PRKN: variants seen among roughly 807,000 people sequenced by gnomAD.
PRKN encodes parkin RBR E3 ubiquitin protein ligase.
In PRKN, 56 loss-of-function variants were observed where a neutral mutation model predicts 59.5. The ratio of observed to expected loss-of-function variants is 0.94; its 90% CI spans 0.76 to 1.18. The LOEUF is 1.18. Among genes scored for constraint, PRKN ranks in the 50% most tolerant of loss-of-function variants. The pLI, the probability that PRKN is intolerant of heterozygous loss-of-function variation, is 0.00. For synonymous variants in PRKN, 250 were observed against 222.1 expected (o/e 1.13, Z -1.12); for missense variants, 657 against 596.4 (o/e 1.10, Z -1.06).
intron 6 of PRKN, among the ~76,000 whole-genome samples, chr6:161,793,923 C>T (rs1790736508): frequency 6.6e-6 from 1 of 152,156 alleles, no homozygotes; most frequent in South Asian, 2.1e-4. Flanking sequence ...AAGTCAACAT[C>T]CCATCTGGGG....
At chr6:161,883,650 A>T (rs1037498923) in intron 6 of PRKN, among the ~76,000 whole-genome samples, 39 of 151,780 alleles carry the variant, frequency 2.6e-4, no homozygotes, top group African/African-American at 8.2e-4. Context: ...ATTTATTTTT[A>T]TTTTTATTTT....
At chr6:162,158,739 C>T (rs1164683048) in intron 4 of PRKN, among the ~76,000 whole-genome samples, 1 of 151,938 alleles carries the variant, frequency 6.6e-6, no homozygotes, top group Non-Finnish European at 1.5e-5. Context: ...CTGCTTGTTC[C>T]TCTTCTGCCT....
At chr6:162,068,894 G>GA (rs1471871361) in intron 4 of PRKN, among the ~76,000 whole-genome samples, 2 of 152,146 alleles carry the variant, frequency 1.3e-5, no homozygotes, top group African/African-American at 4.8e-5. Context: ...CAAATTAGGA[G>GA]AAGGAGCTTT....
chr6:162,629,344 G>A (rs986282674), intron 1 of PRKN, among the ~76,000 whole-genome samples: 15 of 152,106 alleles, frequency 9.9e-5, no homozygotes, highest in Non-Finnish European at 1.8e-4. Flanking sequence ...TAGTCCTTTT[G>A]CTAATTACCT....
At chr6:162,274,205 T>TTTATTTATTTA (rs1780513818) in intron 2 of PRKN, among the ~76,000 whole-genome samples, 1 of 149,526 alleles carries the variant, frequency 6.7e-6, no homozygotes, top group African/African-American at 2.6e-5. Context: ...TTATTTATTT[T>TTTATTTATTTA]GTGAGACCAG....
chr6:161,873,863 CTGTTTTT>C (rs1562353175), intron 6 of PRKN, among the ~76,000 whole-genome samples: 1 of 121,490 alleles, frequency 8.2e-6, no homozygotes, highest in East Asian at 2.6e-4. Flanking sequence ...TTTAAAAGAC[CTGTTTTT>C]TGTTTATATA....
At chr6:162,259,284 G>A (rs913043152) in intron 3 of PRKN, among the ~76,000 whole-genome samples, 9 of 152,152 alleles carry the variant, frequency 5.9e-5, no homozygotes, top group African/African-American at 1.9e-4. Flanking sequence ...CCCAGCGTCC[G>A]ATTGTTCCGT....
At chr6:162,099,139 T>C (rs1779865218) in intron 4 of PRKN, among the ~76,000 whole-genome samples, 1 of 152,192 alleles carries the variant, frequency 6.6e-6, no homozygotes, top group Non-Finnish European at 1.5e-5. Flanking sequence ...TTTCCAACTT[T>C]AACACCGTTG....
At chr6:162,205,296 A>G (rs562028604) in intron 3 of PRKN, among the ~76,000 whole-genome samples, 2 of 152,330 alleles carry the variant, frequency 1.3e-5, no homozygotes, top group African/African-American at 4.8e-5. Context: ...AATAGAGCCA[A>G]TATTTGAAAA....
At chr6:161,954,190 A>AGC (rs1780088375) in intron 6 of PRKN, among the ~76,000 whole-genome samples, 4 of 152,208 alleles carry the variant, frequency 2.6e-5, no homozygotes, top group Non-Finnish European at 5.9e-5. Context: ...CGTAGCTTCT[A>AGC]TAATACATCG....
chr6:162,701,789 A>G (rs1562508775), intron 1 of PRKN, among the ~76,000 whole-genome samples: 1 of 151,476 alleles, frequency 6.6e-6, no homozygotes, highest in Non-Finnish European at 1.5e-5. Context: ...TATAACTTCA[A>G]AAACTCATTT....
At chr6:161,539,876 G>A (rs980382896) in intron 9 of PRKN, among the ~76,000 whole-genome samples, 1 of 152,144 alleles carries the variant, frequency 6.6e-6, no homozygotes, top group Non-Finnish European at 1.5e-5. Flanking sequence ...TTCCGTATCA[G>A]GACACGGATT....
chr6:162,244,571 T>A (rs1779121997), intron 3 of PRKN, among the ~76,000 whole-genome samples: 1 of 152,078 alleles, frequency 6.6e-6, no homozygotes, highest in Admixed American at 6.6e-5. Context: ...TGTCAACAGG[T>A]ATATGCATTC....
At chr6:161,736,969 C>T (rs1450777891) in intron 7 of PRKN, among the ~76,000 whole-genome samples, 1 of 152,178 alleles carries the variant, frequency 6.6e-6, no homozygotes. Flanking sequence ...TCGGAGCTCA[C>T]AGTCTGACCA....
chr6:161,349,376 T>C lies in PRKN; in HGVS notation c.*723A>G, dbSNP rs895132585. 2 of 231,118 alleles carry C rather than the reference T, an allele frequency of 8.7e-6. No homozygotes were observed. Among genetic ancestry groups the C allele is most frequent in the Non-Finnish European group, 1.7e-5 (2 of 116,880 alleles). 14.3% of individuals were successfully genotyped at this position (231,118 alleles called of 1,614,324 possible). Reference sequence around the variant, plus strand: ...ATGAAAGTACATTAACTTGATTTCTTCCCTGTAATTCAAACATTCAACATT... The same window carrying C: ...ATGAAAGTACATTAACTTGATTTCTCCCCTGTAATTCAAACATTCAACATT... On this transcript the variant is annotated 3_prime_UTR_variant, in exon 12 of 12. Coordinates refer to ENST00000366898, the MANE Select transcript of PRKN (RefSeq NM_004562.3). This position sits in a 1 kb window ranked among gnomAD's most constrained non-coding sequence, Gnocchi z 5.5.
rs544609133 is a variant in PRKN at position 162,038,132 on chromosome 6, A to G, written c.618+15959T>C. Reference sequence around the variant, plus strand: ...TCCAGATCAACTGGTATAGATTATTATCTATGTCATAATAATCTGTTATAT... The same window carrying G: ...TCCAGATCAACTGGTATAGATTATTGTCTATGTCATAATAATCTGTTATAT... On this transcript the variant is annotated intron_variant, in intron 5 of 11. Coordinates refer to ENST00000366898, the MANE Select transcript of PRKN (RefSeq NM_004562.3). Among the ~76,000 whole-genome samples the G allele has an allele frequency of 6.6e-5, 10 of 152,130 alleles. No homozygotes were observed. In the South Asian group the frequency reaches 2.1e-3, roughly 32 times the overall value.
rs142575532 is a variant in PRKN at position 161,743,897 on chromosome 6, C to T, written c.871+41875G>A. 2.1e-3 allele frequency among the ~76,000 whole-genome samples: 324 copies of T among 152,248 alleles called. 2 individuals are homozygous for T. Among genetic ancestry groups the T allele is most frequent in the African/African-American group, 7.5e-3 (311 of 41,544 alleles). Reference sequence around the variant, plus strand: ...CTATGGTCCCTGAATATAATTCTTACGTGCCTGTGCTTTTCAGGGCTGCGT... The same window carrying T: ...CTATGGTCCCTGAATATAATTCTTATGTGCCTGTGCTTTTCAGGGCTGCGT... On this transcript the variant is annotated intron_variant, in intron 7 of 11. Transcript: ENST00000366898.
rs116504145 is a variant in PRKN, at chr6:161,823,537, C to A, written c.735-37629G>T. On this transcript the variant is annotated intron_variant, in intron 6 of 11. Coordinates refer to ENST00000366898, the MANE Select transcript of PRKN (RefSeq NM_004562.3). ...CCCTAGGAGAAGAAGATATTTTTCT[C>A]ATTTTCAGTAAAGAAAAACAGAAAC... Among the ~76,000 whole-genome samples, 1,115 of 152,192 alleles carry A rather than the reference C, an allele frequency of 7.3e-3. 15 individuals carry two copies. The highest frequency in any genetic ancestry group is 0.026 in the African/African-American group (1,065 of 41,522).
At chr6:161,896,226 G>T (rs1363037741) in intron 6 of PRKN, among the ~76,000 whole-genome samples, 1 of 152,184 alleles carries the variant, frequency 6.6e-6, no homozygotes, top group African/African-American at 2.4e-5. Flanking sequence ...GTAAGGTGGG[G>T]TCTCCCCTTG....
Sources: gnomAD v4.1 joint callset for allele counts (sites outside exome capture counted in the v4.1 genomes callset) on GRCh38, gnomAD v4.1.1 for gene constraint, Gnocchi (gnomAD v3.1) non-coding constraint, MANE v1.5 for transcripts, NCBI Gene and HGNC (gene_info 2026-07-23, HGNC 2026-07-21) for gene names.